Variants in DZIP3 observed in about 807,000 individuals in gnomAD.
The protein encoded by DZIP3 is E3 ubiquitin-protein ligase DZIP3.
Under a neutral mutation model 162.0 loss-of-function variants are expected in DZIP3, and 118 were observed. The ratio of observed to expected loss-of-function variants is 0.73; its 90% CI spans 0.63 to 0.85. The LOEUF is 0.85. DZIP3 is among the 40% of genes least tolerant of loss of function. The probability of loss-of-function intolerance (pLI) is 0.00; values close to 1 mark genes in which losing one functional copy is unlikely to be tolerated. For synonymous variants in DZIP3, 438 were observed against 458.6 expected (o/e 0.96, Z 0.57); for missense variants, 1,331 against 1,407.0 (o/e 0.95, Z 0.86).
Position 108,661,892 on chromosome 3 carries a change from G to A in DZIP3, c.2215G>A (p.Val739Ile), listed in dbSNP as rs1559767703. The A allele has an allele frequency of 6.2e-7, 1 of 1,613,674 alleles. No homozygotes were observed. Among genetic ancestry groups the A allele is most frequent in the Non-Finnish European group, 8.5e-7 (1 of 1,179,802 alleles). ...DMIEQGSAGK[V>I]TTDYGETEKE... ...TGCTCAATAGGGCTCAGCTGGCAAA[G>A]TAACTACAGACTATGGAGAAACTGA... The change falls in exon 20 of 33, where the codon GTA (valine) becomes ATA (isoleucine). Residue 739 changes from valine to isoleucine, a missense_variant. Around this residue, in one of 2 missense-constraint regions of DZIP3, gnomAD observed 1,278 missense variants for 1,317.1 expected, o/e 0.97. Transcript: ENST00000361582.
Position 108,644,633 on chromosome 3 carries a change from T to C in DZIP3, c.1611T>C (p.Leu537=). 2 of 1,614,084 alleles carry C rather than the reference T, an allele frequency of 1.2e-6. No individual in the cohort carries two copies. The highest frequency in any genetic ancestry group is 1.7e-6 in the Non-Finnish European group (2 of 1,179,964). ...TTTGGAAAAAAGTTTCAGATATTCT[T>C]CTGCGCCTTGGGATGATGCAAGAGG... ...NSIWKKVSDI[L]LRLGMMQEDI... Residue 537 remains leucine (L), a synonymous_variant, in exon 14 of 33, where the codon CTT becomes CTC. Coordinates refer to ENST00000361582, the MANE Select transcript of DZIP3 (RefSeq NM_014648.4).
At chr3:108,687,832 T>C (rs1233393185) in intron 28 of DZIP3, 144 bp from the exon 29 acceptor site, 7 of 1,056,714 alleles carry the variant, frequency 6.6e-6, no homozygotes, top group Non-Finnish European at 9.5e-6. Flanking sequence ...TGTGATCACT[T>C]TTTTAGATCA....
At chr3:108,691,668 A>C (rs185283687) in intron 32 of DZIP3, among the ~76,000 whole-genome samples, 400 of 152,312 alleles carry the variant, frequency 2.6e-3, no homozygotes, top group Non-Finnish European at 4.2e-3. Context: ...GAAGAAGTGC[A>C]GGAGGAAAGT....
intron 21 of DZIP3, 133 bp from the exon 22 acceptor site, chr3:108,669,548 G>T: frequency 1.5e-6 from 1 of 675,640 alleles, no homozygotes. Flanking sequence ...GAGTTCAGTT[G>T]TATTCAGGCT....
chr3:108,683,489 T>A (rs1047481281), intron 26 of DZIP3, among the ~76,000 whole-genome samples: 2 of 152,168 alleles, frequency 1.3e-5, no homozygotes, highest in African/African-American at 4.8e-5. Flanking sequence ...GCTTTATGCT[T>A]AATGCCAGTA....
intron 10 of DZIP3, among the ~76,000 whole-genome samples, chr3:108,636,103 G>T (rs1408326442): frequency 7.2e-5 from 11 of 151,806 alleles, no homozygotes; most frequent in African/African-American, 2.2e-4. Context: ...ATTGTATAAA[G>T]ATTTACTTAT....
chr3:108,612,350 A>G (rs1477138741), intron 4 of DZIP3, among the ~76,000 whole-genome samples: 3 of 152,194 alleles, frequency 2.0e-5, no homozygotes, highest in Admixed American at 6.5e-5. Flanking sequence ...TTTATGCACA[A>G]TTATAACCTT....
chr3:108,626,042 A>G, intron 7 of DZIP3, 73 bp downstream of exon 7: 1 of 1,502,168 alleles, frequency 6.7e-7, no homozygotes, highest in Non-Finnish European at 9.0e-7. Context: ...AAGTGTGCAC[A>G]GTATATCAGG....
chr3:108,624,116 C>CT (rs1941487300), intron 5 of DZIP3, among the ~76,000 whole-genome samples: 1 of 152,048 alleles, frequency 6.6e-6, no homozygotes, highest in African/African-American at 2.4e-5. Flanking sequence ...TATGAAGGGG[C>CT]TTTTCTATGG....
intron 12 of DZIP3, among the ~76,000 whole-genome samples, chr3:108,638,115 T>G (rs1485886371): frequency 6.6e-6 from 1 of 152,206 alleles, no homozygotes; most frequent in Non-Finnish European, 1.5e-5. Context: ...TTTTCCCTTA[T>G]TAGTTAATGA....
intron 21 of DZIP3, among the ~76,000 whole-genome samples, 185 bp downstream of exon 21, chr3:108,662,442 C>G (rs184618490): frequency 4.6e-5 from 7 of 152,322 alleles, no homozygotes; most frequent in Admixed American, 3.9e-4. Context: ...AAATAAGCAG[C>G]TGCTCACACT....
intron 14 of DZIP3, 53 bp downstream of exon 14, chr3:108,644,834 G>T: frequency 6.5e-7 from 1 of 1,532,506 alleles, no homozygotes; most frequent in Non-Finnish European, 8.9e-7. Flanking sequence ...TTGAATGTCT[G>T]CTCTGTGCCA....
chr3:108,629,202 T>C (rs199588906), intron 8 of DZIP3, 26 bp downstream of exon 8: 148 of 1,420,070 alleles, frequency 1.0e-4, no homozygotes, highest in Non-Finnish European at 1.3e-4. Context: ...AGAGTAACAT[T>C]TTATTTGTAA....
rs1942548567 is a variant in DZIP3 at position 108,644,691 on chromosome 3, A to C, written c.1669A>C (p.Asn557His). ...CAAAGTGAAGGAGAATCCCATTGAG[A>C]ATATCTCCCTTGATTACCATCAGCT... ...IDKVKENPIE[N>H]ISLDYHQLSV... The change falls in exon 14 of 33, where the codon AAT becomes CAT. Residue 557 changes from asparagine to histidine, a missense_variant. This residue lies in a region of DZIP3 where 1,278 missense variants were observed against 1,317.1 expected (regional missense o/e 0.97). Transcript: ENST00000361582. The C allele has an allele frequency of 6.2e-7, 1 of 1,613,434 alleles. No individual in the cohort carries two copies. The highest frequency in any genetic ancestry group is 8.5e-7 in the Non-Finnish European group (1 of 1,179,872).
chr3:108,642,572 T>G, intron 13 of DZIP3, 58 bp downstream of exon 13: 1 of 1,391,058 alleles, frequency 7.2e-7, no homozygotes, highest in Non-Finnish European at 9.5e-7. Context: ...TTTTGACTTC[T>G]CTGTCAACTT....
chr3:108,594,212 A>G (rs1939583720), intron 1 of DZIP3, among the ~76,000 whole-genome samples: 1 of 152,016 alleles, frequency 6.6e-6, no homozygotes, highest in Non-Finnish European at 1.5e-5. Context: ...CAGCTTTTCA[A>G]GAACCAACTT....
rs1245688255 is a variant in DZIP3, at chr3:108,692,182, GATTATA to G, written c.*7-1169_*7-1164del. ...TTATATTTATATTATAATGTGAATT[GATTATA>G]ATTATAATGTGAATTGATAGAAATA... On this transcript the variant is annotated intron_variant, in intron 32 of 32. Transcript: ENST00000361582. 3.3e-5 allele frequency among the ~76,000 whole-genome samples: 5 copies of G among 151,898 alleles called. No individual in the cohort carries two copies. In the East Asian group the frequency reaches 9.6e-4, roughly 29 times the overall value.
intron 2 of DZIP3, among the ~76,000 whole-genome samples, chr3:108,607,788 C>T (rs920845654): frequency 5.9e-5 from 9 of 152,138 alleles, no homozygotes; most frequent in Non-Finnish European, 1.2e-4. Flanking sequence ...TTCCCTTTAC[C>T]TTGGAACAGT....
At chr3:108,690,341 A>G (rs1559790481) in intron 31 of DZIP3, among the ~76,000 whole-genome samples, 1 of 152,208 alleles carries the variant, frequency 6.6e-6, no homozygotes, top group South Asian at 2.1e-4. Context: ...CGCCAAAGAA[A>G]ACAATCTGAG....
Sources: allele counts gnomAD v4.1 joint callset (sites outside exome capture counted in the v4.1 genomes callset), GRCh38; gene constraint gnomAD v4.1.1; regional missense constraint gnomAD v4.1.1; transcripts MANE v1.5; gene names NCBI Gene and HGNC (gene_info 2026-07-23, HGNC 2026-07-21).